TBC1D5: variants seen among roughly 807,000 people sequenced by gnomAD.
TBC1D5 encodes the protein TBC1 domain family member 5.
A neutral mutation model predicts 100.3 loss-of-function variants in TBC1D5; 75 were observed. That is an observed-to-expected ratio of 0.75 (90% CI 0.62 to 0.91). The LOEUF is 0.91. Ranked by LOEUF, TBC1D5 falls within the 40% of genes least tolerant of loss-of-function variation. The pLI, the probability that TBC1D5 is intolerant of heterozygous loss-of-function variation, is 0.00. For synonymous variants in TBC1D5, 323 were observed against 325.6 expected (o/e 0.99, Z 0.09); for missense variants, 910 against 942.4 (o/e 0.97, Z 0.45).
intron 14 of TBC1D5, among the ~76,000 whole-genome samples, chr3:17,294,811 C>A (rs1302250312): frequency 6.6e-6 from 1 of 152,142 alleles, no homozygotes; most frequent in Non-Finnish European, 1.5e-5. Flanking sequence ...TAGAAATACC[C>A]TTAATTTGCA....
chr3:17,568,826 C>A (rs984537283), intron 2 of TBC1D5, among the ~76,000 whole-genome samples: 1 of 151,622 alleles, frequency 6.6e-6, no homozygotes. Context: ...AAGTTTTACT[C>A]ATGTTTAAAT....
rs1167729773 is a variant in TBC1D5, at chr3:17,259,560, T to C, written c.1246-969A>G. On this transcript the variant is annotated intron_variant, in intron 15 of 21. Transcript: ENST00000253692. ...CTGGGCAGATAATTCAAGTTAATAA[T>C]TAGGTTTTTGAACCAAGGCATGCAC... 2.0e-5 allele frequency among the ~76,000 whole-genome samples: 3 copies of C among 152,180 alleles called. No homozygotes were observed. The East Asian group carries it at 5.8e-4, about 29-fold the overall frequency.
intron 18 of TBC1D5, among the ~76,000 whole-genome samples, chr3:17,198,089 C>T (rs954145423): frequency 6.6e-6 from 1 of 152,168 alleles, no homozygotes; most frequent in Non-Finnish European, 1.5e-5. Context: ...TAAATACATT[C>T]ATGAAAATCA....
intron 2 of TBC1D5, among the ~76,000 whole-genome samples, chr3:17,554,807 C>T (rs539585349): frequency 4.0e-5 from 6 of 151,874 alleles, no homozygotes; most frequent in Non-Finnish European, 8.8e-5. Flanking sequence ...TCATAAAGCC[C>T]TTCCATTATC....
chr3:17,229,894 A>G (rs1312331146), intron 17 of TBC1D5, among the ~76,000 whole-genome samples: 2 of 152,204 alleles, frequency 1.3e-5, no homozygotes, highest in Non-Finnish European at 2.9e-5. Context: ...GTAAAGGGCA[A>G]ATTCTGATCT....
intron 13 of TBC1D5, among the ~76,000 whole-genome samples, chr3:17,337,066 T>C (rs1024132987): frequency 2.6e-5 from 4 of 151,896 alleles, no homozygotes; most frequent in African/African-American, 9.7e-5. Context: ...GTCAATGGCA[T>C]TCTGCTCTGG....
chr3:17,510,586 T>C lies in TBC1D5; in HGVS notation c.-35-1981A>G, dbSNP rs181083269. On this transcript the variant is annotated intron_variant, in intron 2 of 21. Transcript: ENST00000253692. ...AGAAACTCTGGAGAATATAATCTAGTAGAGGACAGCGAAATGTAGATGATC... is the reference window on the plus strand; with the variant it reads ...AGAAACTCTGGAGAATATAATCTAGCAGAGGACAGCGAAATGTAGATGATC... Among the ~76,000 whole-genome samples the C allele has an allele frequency of 2.6e-5, 4 of 152,148 alleles. No individual in the cohort carries two copies. In the East Asian group the frequency reaches 5.8e-4, roughly 22 times the overall value.
At chr3:17,742,470 TTTTA>T (rs1202469275), upstream of TBC1D5, 2 of 152,848 alleles carry the variant, frequency 1.3e-5, no homozygotes. Flanking sequence ...ATCATCATTA[TTTTA>T]TTTTACCTGT....
chr3:17,734,116 A>C (rs571701460), intron 1 of TBC1D5, among the ~76,000 whole-genome samples: 1 of 152,254 alleles, frequency 6.6e-6, no homozygotes, highest in African/African-American at 2.4e-5. Flanking sequence ...ATTAGCTGTA[A>C]TAATGTCTAG....
intron 1 of TBC1D5, among the ~76,000 whole-genome samples, chr3:17,725,987 TTAGTTCAC>T (rs2076094290): frequency 6.6e-6 from 1 of 152,202 alleles, no homozygotes; most frequent in South Asian, 2.1e-4. Context: ...TGTTCCTGCA[TTAGTTCAC>T]TTGGGATAAT....
chr3:17,586,147 G>GTA (rs1368234687), intron 2 of TBC1D5, among the ~76,000 whole-genome samples: 1 of 152,174 alleles, frequency 6.6e-6, no homozygotes, highest in Non-Finnish European at 1.5e-5. Flanking sequence ...AAAGCAGGAG[G>GTA]TAGGACAGAA....
intron 10 of TBC1D5, among the ~76,000 whole-genome samples, 199 bp from the exon 11 acceptor site, chr3:17,374,878 T>A (rs991115490): frequency 6.6e-6 from 1 of 152,180 alleles, no homozygotes; most frequent in Admixed American, 6.6e-5. Flanking sequence ...AGCTGCCTTG[T>A]CTATGCCTCT....
intron 2 of TBC1D5, among the ~76,000 whole-genome samples, chr3:17,567,144 T>C (rs2096598612): frequency 6.6e-6 from 1 of 151,970 alleles, no homozygotes; most frequent in Non-Finnish European, 1.5e-5. Context: ...ATTCCTTAAA[T>C]ATAAAGATGC....
chr3:17,191,240 T>C (rs2069848205), intron 18 of TBC1D5, among the ~76,000 whole-genome samples: 2 of 152,178 alleles, frequency 1.3e-5, no homozygotes, highest in African/African-American at 4.8e-5. Context: ...TCTGACCAGA[T>C]AGCAAAGTTC....
At chr3:17,459,412 C>T (rs1456628390) in intron 3 of TBC1D5, among the ~76,000 whole-genome samples, 1 of 152,192 alleles carries the variant, frequency 6.6e-6, no homozygotes, top group Non-Finnish European at 1.5e-5. Context: ...GGAGGCAGAG[C>T]TCTGGTAGTG....
At chr3:17,612,393 C>T (rs1409496572) in intron 2 of TBC1D5, among the ~76,000 whole-genome samples, 13 of 151,694 alleles carry the variant, frequency 8.6e-5, no homozygotes, top group Admixed American at 3.9e-4. Context: ...TTTTGGAGGC[C>T]GAGGCAAGTG....
At chr3:17,193,451 G>A (rs1204639771) in intron 18 of TBC1D5, among the ~76,000 whole-genome samples, 1 of 152,188 alleles carries the variant, frequency 6.6e-6, no homozygotes, top group African/African-American at 2.4e-5. Flanking sequence ...GGTGTTGGCA[G>A]GTTAAAATAA....
At chr3:17,567,085 T>C (rs2153492719) in intron 2 of TBC1D5, among the ~76,000 whole-genome samples, 1 of 151,962 alleles carries the variant, frequency 6.6e-6, no homozygotes, top group Non-Finnish European at 1.5e-5. Context: ...AACATTGTCC[T>C]ACCAAAATAC....
chr3:17,559,481 T>C (rs1007952384), intron 2 of TBC1D5, among the ~76,000 whole-genome samples: 1 of 152,078 alleles, frequency 6.6e-6, no homozygotes, highest in Admixed American at 6.5e-5. Flanking sequence ...AGATAATCTT[T>C]ACAAATGCCA....
Sources: allele counts gnomAD v4.1 joint callset (sites outside exome capture counted in the v4.1 genomes callset), GRCh38; gene constraint gnomAD v4.1.1; transcripts MANE v1.5; gene names NCBI Gene and HGNC (gene_info 2026-07-23, HGNC 2026-07-21).